Variants in KCNAB1 observed in about 807,000 individuals in gnomAD.
KCNAB1 encodes voltage-gated potassium channel subunit beta-1.
A neutral mutation model predicts 64.6 loss-of-function variants in KCNAB1; 35 were observed. That is an observed-to-expected ratio of 0.54 (90% confidence interval 0.41 to 0.72). The LOEUF (loss-of-function observed/expected upper bound fraction) is 0.72. Among genes scored for constraint, KCNAB1 ranks in the 30% least tolerant of loss-of-function variants. The pLI is 0.00. For missense variants in KCNAB1, 401 were observed against 512.9 expected (o/e 0.78, Z 2.11); for synonymous variants, 177 against 183.8 (o/e 0.96, Z 0.30).
chr3:156,192,799 G>A (rs960112327), intron 1 of KCNAB1, among the ~76,000 whole-genome samples: 4 of 151,884 alleles, frequency 2.6e-5, no homozygotes, highest in African/African-American at 9.7e-5. Flanking sequence ...TATTATTATA[G>A]CTAATCTGGC....
At chr3:156,317,601 C>G (rs1560192521) in intron 1 of KCNAB1, among the ~76,000 whole-genome samples, 1 of 151,730 alleles carries the variant, frequency 6.6e-6, no homozygotes, top group Non-Finnish European at 1.5e-5. Context: ...AAGGAAATGA[C>G]TCAAAAAGAT....
intron 1 of KCNAB1, among the ~76,000 whole-genome samples, chr3:156,200,971 G>A (rs931611504): frequency 1.3e-5 from 2 of 152,234 alleles, no homozygotes; most frequent in Non-Finnish European, 2.9e-5. Context: ...ACGAGGGAAT[G>A]TCCTTGGGTG....
upstream of KCNAB1, among the ~76,000 whole-genome samples, chr3:156,120,055 C>T (rs1174093764): frequency 1.3e-5 from 2 of 152,140 alleles, no homozygotes; most frequent in African/African-American, 4.8e-5. Context: ...GGTTCACTGA[C>T]ATTCAAAGAA....
At chr3:156,395,446 G>A (rs1409457771) in intron 1 of KCNAB1, among the ~76,000 whole-genome samples, 30 of 146,456 alleles carry the variant, frequency 2.0e-4, no homozygotes, top group East Asian at 1.4e-3. Context: ...TTGGGAGGCT[G>A]AGGCAGGAGA....
At chr3:156,449,375 T>C (rs902664369) in intron 2 of KCNAB1, among the ~76,000 whole-genome samples, 2 of 152,208 alleles carry the variant, frequency 1.3e-5, no homozygotes, top group South Asian at 2.1e-4. Context: ...GGTTGGTTTT[T>C]TTCAGATTAA....
intron 11 of KCNAB1, among the ~76,000 whole-genome samples, chr3:156,523,042 G>A (rs1378978110): frequency 5.3e-5 from 8 of 152,214 alleles, no homozygotes; most frequent in Non-Finnish European, 1.0e-4. Context: ...AAGGCATTGA[G>A]AAGTTCTAAA....
At chr3:156,225,440 T>C (rs2108424309) in intron 1 of KCNAB1, among the ~76,000 whole-genome samples, 1 of 152,352 alleles carries the variant, frequency 6.6e-6, no homozygotes, top group South Asian at 2.1e-4. Context: ...AAAAGCCATC[T>C]ATGACAAACC....
chr3:156,309,247 T>C (rs1252501784), intron 1 of KCNAB1, among the ~76,000 whole-genome samples: 1 of 152,238 alleles, frequency 6.6e-6, no homozygotes, highest in Non-Finnish European at 1.5e-5. Flanking sequence ...GAAATATAAA[T>C]TTTAAATCTG....
intron 7 of KCNAB1, among the ~76,000 whole-genome samples, chr3:156,468,819 C>T (rs1713636119): frequency 6.6e-6 from 1 of 152,150 alleles, no homozygotes; most frequent in Non-Finnish European, 1.5e-5. Context: ...AATTCCTCAC[C>T]CAAACAGCAT....
At chr3:156,266,884 A>G (rs1431350940) in intron 1 of KCNAB1, among the ~76,000 whole-genome samples, 2 of 152,140 alleles carry the variant, frequency 1.3e-5, no homozygotes, top group East Asian at 1.9e-4. Context: ...ACATTACTAG[A>G]TGTGGTGAAA....
At chr3:156,225,822 T>C (rs1244218466) in intron 1 of KCNAB1, among the ~76,000 whole-genome samples, 1 of 152,060 alleles carries the variant, frequency 6.6e-6, no homozygotes, top group Non-Finnish European at 1.5e-5. Context: ...CCTTTCACGA[T>C]AGCTGCAAAA....
chr3:156,294,029 CCA>C (rs1720628540), intron 1 of KCNAB1, among the ~76,000 whole-genome samples: 1 of 152,158 alleles, frequency 6.6e-6, no homozygotes. Flanking sequence ...AAAAGTAAGA[CCA>C]CTAATTTCTT....
At chr3:156,180,684 A>G (rs977407359) in intron 1 of KCNAB1, among the ~76,000 whole-genome samples, 1 of 152,176 alleles carries the variant, frequency 6.6e-6, no homozygotes, top group Non-Finnish European at 1.5e-5. Flanking sequence ...AGATGCAATG[A>G]TGATGATAGA....
At chr3:156,462,265 G>A (rs895472508) in intron 5 of KCNAB1, among the ~76,000 whole-genome samples, 1 of 152,202 alleles carries the variant, frequency 6.6e-6, no homozygotes, top group African/African-American at 2.4e-5. Flanking sequence ...TAGGCCAAAT[G>A]TTTTACAGGA....
chr3:156,155,364 G>A (rs1046869065), intron 1 of KCNAB1, among the ~76,000 whole-genome samples: 5 of 152,128 alleles, frequency 3.3e-5, no homozygotes, highest in African/African-American at 1.2e-4. Flanking sequence ...GTGGGGACGT[G>A]CCAGTTAATG....
At chr3:156,377,087 C>A (rs1711731932) in intron 1 of KCNAB1, among the ~76,000 whole-genome samples, 1 of 152,130 alleles carries the variant, frequency 6.6e-6, no homozygotes, top group African/African-American at 2.4e-5. Flanking sequence ...AAGGATGTAT[C>A]TGGTTTTAAG....
intron 1 of KCNAB1, among the ~76,000 whole-genome samples, chr3:156,182,180 T>G (rs1435146081): frequency 1.3e-5 from 2 of 152,178 alleles, no homozygotes; most frequent in Non-Finnish European, 2.9e-5. Flanking sequence ...TCATCATAAG[T>G]CTAATACCTT....
At chr3:156,310,347 G>A (rs1297346863) in intron 1 of KCNAB1, among the ~76,000 whole-genome samples, 1 of 152,162 alleles carries the variant, frequency 6.6e-6, no homozygotes, top group Non-Finnish European at 1.5e-5. Flanking sequence ...GAGAGAGATG[G>A]GTGGTATGAC....
rs367579764 is a variant in KCNAB1 at position 156,283,519 on chromosome 3, C to G, written c.276-138097C>G. Among the ~76,000 whole-genome samples, 115 of 150,696 alleles carry G rather than the reference C, an allele frequency of 7.6e-4. No individual in the cohort carries two copies. In the Middle Eastern group the frequency reaches 0.01, roughly 13 times the overall value. ...TGAATCTGAACGTTGGCCTGCCTTG[C>G]TAGATTGGGGAAGTTCTCCTGGATA... On this transcript the variant is annotated intron_variant, in intron 1 of 13. Transcript: ENST00000490337.
Sources: gnomAD v4.1 joint callset for allele counts (sites outside exome capture counted in the v4.1 genomes callset) on GRCh38, gnomAD v4.1.1 for gene constraint, MANE v1.5 for transcripts, NCBI Gene and HGNC (gene_info 2026-07-23, HGNC 2026-07-21) for gene names.